DNAAF9: variants seen among roughly 807,000 people sequenced by gnomAD.
The protein encoded by DNAAF9 is shulin.
Under a neutral mutation model 167.0 loss-of-function variants are expected in DNAAF9, and 90 were observed. That is an observed-to-expected ratio of 0.54 (90% CI 0.45 to 0.64). DNAAF9 has a LOEUF of 0.64. Among genes scored for constraint, DNAAF9 ranks in the 30% least tolerant of loss-of-function variants. The pLI, the probability that DNAAF9 is intolerant of heterozygous loss-of-function variation, is 0.00. For synonymous variants in DNAAF9, 491 were observed against 508.8 expected (o/e 0.96, Z 0.47); for missense variants, 1,315 against 1,442.2 (o/e 0.91, Z 1.43).
intron 7 of DNAAF9, among the ~76,000 whole-genome samples, chr20:3,352,284 G>A (rs1442451905): frequency 2.0e-5 from 3 of 152,120 alleles, no homozygotes; most frequent in Admixed American, 6.5e-5. Flanking sequence ...GCCTCGGCCC[G>A]ATAAACCAAT....
chr20:3,329,919 G>T (rs577177797), intron 12 of DNAAF9, among the ~76,000 whole-genome samples: 1 of 152,204 alleles, frequency 6.6e-6, no homozygotes, highest in East Asian at 1.9e-4. Context: ...TGCACAGCCA[G>T]TGTTCACACC....
intron 10 of DNAAF9, 37 bp downstream of exon 10, chr20:3,340,467 T>C (rs1429398773): frequency 2.5e-6 from 1 of 394,866 alleles, no homozygotes; most frequent in Non-Finnish European, 3.9e-6. Context: ...AACTTGATAA[T>C]AAAACTAATC....
rs766556229 is a variant in DNAAF9, at chr20:3,287,640, C to T, written c.2478G>A (p.Val826=). Residue 826 remains valine, a synonymous_variant, in exon 27 of 37, where the codon GTG becomes GTA. Transcript: ENST00000252032. Reference sequence around the variant, plus strand: ...AGACTTCCAATGCTCACCCTTGTAACACCACCAGCAGTCTGGTCTTCTTGC... The same window carrying T: ...AGACTTCCAATGCTCACCCTTGTAATACCACCAGCAGTCTGGTCTTCTTGC... The part of the protein sequence containing the change: ...YIRKKTRLLV[V]LQGYTDVIDV... 7 of 1,614,198 alleles carry T rather than the reference C, an allele frequency of 4.3e-6. No homozygotes were observed. The highest frequency in any genetic ancestry group is 1.3e-5 in the African/African-American group (1 of 75,066).
intron 7 of DNAAF9, 40 bp downstream of exon 7, chr20:3,359,476 C>G: frequency 1.5e-6 from 2 of 1,298,006 alleles, no homozygotes; most frequent in African/African-American, 1.5e-5. Context: ...CTGAGCTGGA[C>G]GTAATACTAA....
intron 27 of DNAAF9, among the ~76,000 whole-genome samples, chr20:3,285,754 G>A (rs147308637): frequency 2.3e-3 from 341 of 150,982 alleles, no homozygotes; most frequent in African/African-American, 7.9e-3. Context: ...TGAGGTGGGC[G>A]GATCACCTGA....
intron 20 of DNAAF9, among the ~76,000 whole-genome samples, chr20:3,314,560 G>A (rs1253299159): frequency 6.6e-6 from 1 of 152,174 alleles, no homozygotes; most frequent in Non-Finnish European, 1.5e-5. Flanking sequence ...TTCTTCCCCA[G>A]AGGCTCTAGA....
intron 30 of DNAAF9, among the ~76,000 whole-genome samples, chr20:3,268,219 G>A (rs2068522944): frequency 6.6e-6 from 1 of 151,740 alleles, no homozygotes. Context: ...TAGTAGAGGC[G>A]GGGTTTCGCC....
intron 31 of DNAAF9, among the ~76,000 whole-genome samples, chr20:3,261,408 A>G (rs2068384801): frequency 6.6e-6 from 1 of 151,204 alleles, no homozygotes; most frequent in Admixed American, 6.6e-5. Context: ...TTGCTCTGTC[A>G]CCCAGGCTGG....
At chr20:3,321,874 G>A (rs1031262705) in intron 16 of DNAAF9, among the ~76,000 whole-genome samples, 4 of 152,202 alleles carry the variant, frequency 2.6e-5, no homozygotes, top group Non-Finnish European at 2.9e-5. Context: ...GTTAGTCAAG[G>A]CAAGCTTGTC....
chr20:3,384,435 A>G (rs188241839), intron 1 of DNAAF9: 55 of 152,212 alleles, frequency 3.6e-4, no homozygotes, highest in African/African-American at 1.3e-3. Context: ...ACACTATCTG[A>G]GTGTTTCCTC....
intron 12 of DNAAF9, among the ~76,000 whole-genome samples, chr20:3,330,224 T>C (rs1054480774): frequency 1.8e-4 from 28 of 152,138 alleles, no homozygotes; most frequent in African/African-American, 6.5e-4. Context: ...ACAGTAATGT[T>C]CATGTCATAA....
intron 20 of DNAAF9, among the ~76,000 whole-genome samples, chr20:3,308,183 C>T (rs1256052340): frequency 6.6e-6 from 1 of 152,018 alleles, no homozygotes; most frequent in East Asian, 1.9e-4. Context: ...CTGTGTATTA[C>T]TTAGTTTTGT....
At chr20:3,319,262 CAAAA>C (rs57727958) in intron 16 of DNAAF9, among the ~76,000 whole-genome samples, 52 of 41,554 alleles carry the variant, frequency 1.3e-3, no homozygotes, top group African/African-American at 3.1e-3. Context: ...GACCCCGTCT[CAAAA>C]AAAAAAAAAA....
chr20:3,271,268 G>C (rs2068587437), intron 29 of DNAAF9, among the ~76,000 whole-genome samples: 2 of 152,096 alleles, frequency 1.3e-5, no homozygotes, highest in African/African-American at 4.8e-5. Context: ...CCATATAACA[G>C]GGGTTATTCA....
At chr20:3,330,215 C>T (rs766185142) in intron 12 of DNAAF9, among the ~76,000 whole-genome samples, 2 of 152,128 alleles carry the variant, frequency 1.3e-5, no homozygotes, top group Non-Finnish European at 2.9e-5. Context: ...GGAAACAACA[C>T]AGTAATGTTC....
Position 3,311,359 on chromosome 20 carries a change from C to A in DNAAF9, c.1678+3674G>T, listed in dbSNP as rs925363736. 2.6e-5 allele frequency among the ~76,000 whole-genome samples: 4 copies of A among 151,892 alleles called. No individual in the cohort carries two copies. The East Asian group carries it at 7.7e-4, about 29-fold the overall frequency. On this transcript the variant is annotated intron_variant, in intron 20 of 36. Coordinates refer to ENST00000252032, the MANE Select transcript of DNAAF9 (RefSeq NM_001009984.3). ...TCTCACTGGTCTTGAACTGTGGGCT[C>A]AAGCAATCCTCCTGCCTCAGCCTCC...
At position 3,303,435 on chromosome 20, in the gene DNAAF9, G is replaced by A. The variant is rs374398008; in HGVS notation, c.1782+1005C>T. 9.9e-5 allele frequency among the ~76,000 whole-genome samples: 15 copies of A among 152,084 alleles called. No homozygotes were observed. The East Asian group carries it at 2.5e-3, about 25-fold the overall frequency. On this transcript the variant is annotated intron_variant, in intron 21 of 36. Coordinates refer to ENST00000252032, the MANE Select transcript of DNAAF9 (RefSeq NM_001009984.3). ...AAGTTCATTTTGATTTTTAGTAGAG[G>A]TAAGAGTCTATTTTTTGTCGAAATT...
intron 25 of DNAAF9, among the ~76,000 whole-genome samples, chr20:3,293,546 G>A (rs1025514221): frequency 1.3e-5 from 2 of 151,270 alleles, no homozygotes; most frequent in South Asian, 2.1e-4. Flanking sequence ...TTAGCCAGGC[G>A]TGGTGGTGCA....
chr20:3,252,826 T>A (rs550884769), intron 36 of DNAAF9, 142 bp from the exon 37 acceptor site: 1 of 639,828 alleles, frequency 1.6e-6, no homozygotes, highest in Non-Finnish European at 2.8e-6. Flanking sequence ...GATGGACTCT[T>A]TGTATATACT....
Sources: allele counts gnomAD v4.1 joint callset (sites outside exome capture counted in the v4.1 genomes callset), GRCh38; gene constraint gnomAD v4.1.1; transcripts MANE v1.5; gene names NCBI Gene and HGNC (gene_info 2026-07-23, HGNC 2026-07-21).